Variants in MAGI2 observed in about 807,000 individuals in gnomAD.
MAGI2 encodes membrane-associated guanylate kinase, WW and PDZ domain-containing protein 2.
In MAGI2, 35 loss-of-function variants were observed where a neutral mutation model predicts 133.3. That is an observed-to-expected ratio of 0.26 (90% CI 0.20 to 0.35). The LOEUF is 0.35. Among genes scored for constraint, MAGI2 ranks in the 10% least tolerant of loss-of-function variants. The pLI, the probability that MAGI2 is intolerant of heterozygous loss-of-function variation, is 1.00. For synonymous variants in MAGI2, 729 were observed against 710.6 expected, an observed-to-expected ratio of 1.03 and a Z score of -0.41; for missense variants, 1,636 against 1,863.4, an observed-to-expected ratio of 0.88 and a Z score of 2.25.
intron 2 of MAGI2, among the ~76,000 whole-genome samples, chr7:78,658,406 A>G (rs1427540258): frequency 1.3e-5 from 2 of 152,218 alleles, no homozygotes; most frequent in East Asian, 3.8e-4. Context: ...TTTGGGATCT[A>G]GGACTAGGCA....
At chr7:78,800,317 G>A (rs542250767) in intron 2 of MAGI2, among the ~76,000 whole-genome samples, 2 of 152,094 alleles carry the variant, frequency 1.3e-5, no homozygotes, top group African/African-American at 2.4e-5. Context: ...ATGTAGGAGT[G>A]GGGAGGATGA....
intron 13 of MAGI2, among the ~76,000 whole-genome samples, chr7:78,180,975 A>C (rs1827138767): frequency 6.9e-6 from 1 of 144,792 alleles, no homozygotes; most frequent in African/African-American, 2.6e-5. Flanking sequence ...CATTTTAGGA[A>C]GATAATTTTT....
chr7:78,645,490 G>A (rs1208658390), intron 2 of MAGI2, among the ~76,000 whole-genome samples: 1 of 152,092 alleles, frequency 6.6e-6, no homozygotes, highest in Admixed American at 6.5e-5. Context: ...AGTATGCAAA[G>A]TTGATTTAAT....
chr7:78,720,668 A>G (rs1188065787), intron 2 of MAGI2, among the ~76,000 whole-genome samples: 1 of 152,066 alleles, frequency 6.6e-6, no homozygotes, highest in Non-Finnish European at 1.5e-5. Context: ...GTGGGAAAAG[A>G]TGTTTCTAAA....
At chr7:79,270,119 G>C (rs982274660) in intron 1 of MAGI2, among the ~76,000 whole-genome samples, 1 of 152,060 alleles carries the variant, frequency 6.6e-6, no homozygotes, top group Non-Finnish European at 1.5e-5. Context: ...CCCAGAGAAG[G>C]ACTCAGCATA....
At chr7:78,665,604 T>C (rs1813472181) in intron 2 of MAGI2, among the ~76,000 whole-genome samples, 1 of 152,164 alleles carries the variant, frequency 6.6e-6, no homozygotes, top group African/African-American at 2.4e-5. Context: ...CTATGCTGTT[T>C]GGCTTCTATG....
rs183914753 is a variant in MAGI2 at position 78,679,456 on chromosome 7, C to A, written c.419-52217G>T. Among the ~76,000 whole-genome samples, 13 of 152,256 alleles carry A rather than the reference C, an allele frequency of 8.5e-5. No homozygotes were observed. In the East Asian group the frequency reaches 2.3e-3, roughly 27 times the overall value. On this transcript the variant is annotated intron_variant, in intron 2 of 21. Transcript: ENST00000354212. ...TAGGTAAATGAATCAGTGATTCAAA[C>A]ACTTTTAAAAAGTTATCAAAATGTT...
intron 6 of MAGI2, among the ~76,000 whole-genome samples, chr7:78,412,688 T>C (rs1797972740): frequency 6.6e-6 from 1 of 152,006 alleles, no homozygotes. Context: ...ATTGCAACAT[T>C]AGGTTAGGCA....
chr7:78,823,530 C>T (rs1790336279), intron 2 of MAGI2, among the ~76,000 whole-genome samples: 1 of 145,798 alleles, frequency 6.9e-6, no homozygotes, highest in African/African-American at 2.5e-5. Flanking sequence ...TTGCAGTGAG[C>T]CCGGATCGCG....
intron 3 of MAGI2, among the ~76,000 whole-genome samples, chr7:78,589,216 C>T (rs748580766): frequency 6.6e-6 from 1 of 152,196 alleles, no homozygotes; most frequent in Non-Finnish European, 1.5e-5. Context: ...ACCATCACCA[C>T]CATCATGTTT....
chr7:78,301,599 C>T (rs1363508587), intron 9 of MAGI2, among the ~76,000 whole-genome samples: 2 of 152,230 alleles, frequency 1.3e-5, no homozygotes, highest in Non-Finnish European at 2.9e-5. Flanking sequence ...ATCCTTCACA[C>T]TTCAGTCTGG....
chr7:78,408,258 A>G (rs544288256), intron 6 of MAGI2, among the ~76,000 whole-genome samples: 1 of 152,232 alleles, frequency 6.6e-6, no homozygotes, highest in South Asian at 2.1e-4. Context: ...CAGGCTAATT[A>G]ACATATGCAT....
At chr7:79,343,841 ACAGT>A (rs1841096743) in intron 1 of MAGI2, among the ~76,000 whole-genome samples, 3 of 152,312 alleles carry the variant, frequency 2.0e-5, no homozygotes. Context: ...CACTAAACTG[ACAGT>A]CAGCACTAAC....
At chr7:78,730,775 T>C (rs1365459587) in intron 2 of MAGI2, among the ~76,000 whole-genome samples, 1 of 152,086 alleles carries the variant, frequency 6.6e-6, no homozygotes. Context: ...ATATATTATA[T>C]ACTTAAATAT....
intron 6 of MAGI2, among the ~76,000 whole-genome samples, chr7:78,391,120 T>C (rs1024830859): frequency 4.6e-5 from 7 of 152,180 alleles, no homozygotes; most frequent in Non-Finnish European, 8.8e-5. Flanking sequence ...CCAGCCTTTA[T>C]GAAGAATACC....
intron 1 of MAGI2, among the ~76,000 whole-genome samples, chr7:79,296,804 G>A (rs1395123141): frequency 3.3e-5 from 5 of 152,114 alleles, no homozygotes; most frequent in Admixed American, 2.6e-4. Flanking sequence ...AGACATTCTG[G>A]TGTTCTACTT....
intron 3 of MAGI2, among the ~76,000 whole-genome samples, chr7:78,563,150 A>G (rs1461101121): frequency 6.6e-6 from 1 of 152,212 alleles, no homozygotes; most frequent in African/African-American, 2.4e-5. Flanking sequence ...GAATGTTTTT[A>G]AAGTCTCTAT....
chr7:79,134,685 T>C (rs1033359267), intron 1 of MAGI2, among the ~76,000 whole-genome samples: 1 of 152,224 alleles, frequency 6.6e-6, no homozygotes. Context: ...GTTCTAATAT[T>C]GTCAAATTGC....
chr7:78,171,598 C>T (rs1477591524), intron 14 of MAGI2, among the ~76,000 whole-genome samples: 3 of 152,214 alleles, frequency 2.0e-5, no homozygotes, highest in Non-Finnish European at 4.4e-5. Flanking sequence ...CCCAAGTTGG[C>T]TGAGCACAAG....
Sources: allele counts gnomAD v4.1 joint callset (sites outside exome capture counted in the v4.1 genomes callset), GRCh38; gene constraint gnomAD v4.1.1; transcripts MANE v1.5; gene names NCBI Gene and HGNC (gene_info 2026-07-23, HGNC 2026-07-21).